PROCR: variants seen among roughly 807,000 people sequenced by gnomAD.
The protein encoded by PROCR is protein C receptor, also known as endothelial protein C receptor.
A neutral mutation model predicts 24.2 loss-of-function variants in PROCR; 22 were observed. The observed-to-expected ratio is 0.91, with a 90% CI of 0.65 to 1.30. The LOEUF is 1.30. PROCR is among the 50% of genes most tolerant of loss of function. The pLI, the probability that PROCR is intolerant of heterozygous loss-of-function variation, is 0.00. For missense variants in PROCR, 288 were observed against 307.7 expected, an observed-to-expected ratio of 0.94 and a Z score of 0.48; for synonymous variants, 137 against 139.2, an observed-to-expected ratio of 0.98 and a Z score of 0.11.
chr20:35,174,343 T>C, intron 1 of PROCR: 1 of 353,162 alleles, frequency 2.8e-6, no homozygotes, highest in South Asian at 2.5e-5. Flanking sequence ...GAAGAGGAGA[T>C]GGAGAACAGG....
chr20:35,186,304 C>G (rs1213265231), intron 1 of PROCR, among the ~76,000 whole-genome samples: 1 of 152,180 alleles, frequency 6.6e-6, no homozygotes, highest in East Asian at 1.9e-4. Flanking sequence ...AGCAGTGGCT[C>G]TCGCCTGCAG....
chr20:35,177,277 T>C lies in PROCR; in HGVS notation c.*464T>C. ...GGTAGAAAGAAGTAACACGAAGAAG[T>C]GGTGGAAATGTAAAATCCAAGTCAT... On this transcript the variant is annotated 3_prime_UTR_variant, in exon 4 of 4. Transcript: ENST00000216968. The C allele has an allele frequency of 9.9e-7, 1 of 1,005,246 alleles. No homozygotes were observed. Among genetic ancestry groups the C allele is most frequent in the South Asian group, 4.2e-5 (1 of 23,622 alleles). 62.3% of individuals were successfully genotyped at this position (1,005,246 alleles called of 1,614,324 possible).
At chr20:35,196,587 A>C (rs2086218602) in intron 1 of PROCR, among the ~76,000 whole-genome samples, 1 of 152,212 alleles carries the variant, frequency 6.6e-6, no homozygotes, top group East Asian at 1.9e-4. Flanking sequence ...AAAGTGCTGA[A>C]AGAAAAGAAC....
intron 1 of PROCR, among the ~76,000 whole-genome samples, chr20:35,196,909 C>T (rs1003151457): frequency 6.6e-6 from 1 of 152,120 alleles, no homozygotes; most frequent in Non-Finnish European, 1.5e-5. Context: ...ATGTAGATGT[C>T]ATGGATAGGA....
At chr20:35,189,296 A>T (rs6088761) in intron 1 of PROCR, among the ~76,000 whole-genome samples, 1 of 117,074 alleles carries the variant, frequency 8.5e-6, no homozygotes, top group African/African-American at 2.6e-5. Flanking sequence ...GCCACTCTGG[A>T]GGGGTGTCTG....
intron 1 of PROCR, among the ~76,000 whole-genome samples, chr20:35,187,142 G>T (rs1024162368): frequency 3.3e-5 from 5 of 152,008 alleles, no homozygotes; most frequent in African/African-American, 1.2e-4. Flanking sequence ...TCTCCATCTC[G>T]CAGGCTCAAA....
intron 1 of PROCR, among the ~76,000 whole-genome samples, chr20:35,185,030 CAAAAAAAAAA>C (rs55715132): frequency 1.9e-5 from 2 of 104,096 alleles, no homozygotes; most frequent in Admixed American, 1.1e-4. Context: ...ATCAGTAAGA[CAAAAAAAAAA>C]AAAAAAAAAA....
At chr20:35,203,887 A>G (rs923465669) in intron 1 of PROCR, among the ~76,000 whole-genome samples, 2 of 152,068 alleles carry the variant, frequency 1.3e-5, no homozygotes, top group Non-Finnish European at 1.5e-5. Context: ...AACTAGAGAA[A>G]GAACAAATTA....
intron 1 of PROCR, among the ~76,000 whole-genome samples, chr20:35,196,853 T>A (rs879867720): frequency 4.6e-5 from 7 of 152,222 alleles, no homozygotes; most frequent in Admixed American, 3.3e-4. Context: ...TTATTTATGA[T>A]CATTGAAAGA....
At chr20:35,183,902 T>G (rs1220291402) in intron 1 of PROCR, among the ~76,000 whole-genome samples, 1 of 152,098 alleles carries the variant, frequency 6.6e-6, no homozygotes, top group Non-Finnish European at 1.5e-5. Flanking sequence ...ATCAAAACCA[T>G]GAGATACCAC....
At chr20:35,176,522 G>A (rs2086020446) in intron 3 of PROCR, 76 bp downstream of exon 3, 12 of 1,601,976 alleles carry the variant, frequency 7.5e-6, no homozygotes, top group Non-Finnish European at 1.0e-5. Flanking sequence ...CCTGAAGGAT[G>A]GATGCCTAGA....
intron 1 of PROCR, among the ~76,000 whole-genome samples, chr20:35,188,645 G>T (rs1188739213): frequency 6.6e-6 from 1 of 152,118 alleles, no homozygotes; most frequent in Non-Finnish European, 1.5e-5. Context: ...TTATGTTTGG[G>T]GAATGCTAAA....
chr20:35,211,172 ATTTAC>A (rs1296703515), intron 1 of PROCR, among the ~76,000 whole-genome samples: 1 of 152,174 alleles, frequency 6.6e-6, no homozygotes, highest in Non-Finnish European at 1.5e-5. Context: ...CCAAGCCTTC[ATTTAC>A]TTTACGGCTA....
chr20:35,199,011 G>A (rs575349410), intron 1 of PROCR, among the ~76,000 whole-genome samples: 1 of 152,138 alleles, frequency 6.6e-6, no homozygotes, highest in Non-Finnish European at 1.5e-5. Flanking sequence ...ACCATGCCCA[G>A]CCAGCCACCT....
At chr20:35,186,476 G>C (rs535434677) in intron 1 of PROCR, among the ~76,000 whole-genome samples, 22 of 148,250 alleles carry the variant, frequency 1.5e-4, no homozygotes, top group African/African-American at 5.2e-4. Context: ...TGAGGCGGGA[G>C]AATCACTTAA....
At chr20:35,182,928 C>G (rs747956384) in intron 1 of PROCR, among the ~76,000 whole-genome samples, 1 of 141,786 alleles carries the variant, frequency 7.1e-6, no homozygotes, top group African/African-American at 2.6e-5. Flanking sequence ...GAGTTGAGAT[C>G]GTGCCACTGC....
downstream of PROCR, among the ~76,000 whole-genome samples, chr20:35,178,507 G>GTTT (rs1203789471): frequency 9.6e-4 from 33 of 34,376 alleles, 4 homozygotes; most frequent in South Asian, 3.4e-3. Context: ...TCAAGTCTCA[G>GTTT]TTTTTTTTTT....
rs1265062493 is a variant in PROCR at position 35,177,070 on chromosome 20, A to G, written c.*257A>G. ...TAGTCTGATAAGTGAATGTTTATCTATCTTTGTGGAAAACAGATAATGGAG... is the reference window on the plus strand; with the variant it reads ...TAGTCTGATAAGTGAATGTTTATCTGTCTTTGTGGAAAACAGATAATGGAG... On this transcript the variant is annotated 3_prime_UTR_variant, in exon 4 of 4. Transcript: ENST00000216968. The G allele has an allele frequency of 2.4e-6, 3 of 1,271,956 alleles. No individual in the cohort carries two copies. Among genetic ancestry groups the G allele is most frequent in the African/African-American group, 3.1e-5 (2 of 65,566 alleles). The allele number at this position is 1,271,956 out of a possible 1,614,324, so 78.8% of individuals were successfully genotyped here. A position where few individuals can be genotyped will look rare whatever the true frequency, so the allele number is the denominator to read the frequency against.
At chr20:35,182,108 A>T (rs2086083606), downstream of PROCR, among the ~76,000 whole-genome samples, 1 of 152,224 alleles carries the variant, frequency 6.6e-6, no homozygotes, top group Non-Finnish European at 1.5e-5. Context: ...CTGCAAGTGC[A>T]GGGGGGAAAA....
Sources: gnomAD v4.1 joint callset for allele counts (sites outside exome capture counted in the v4.1 genomes callset) on GRCh38, gnomAD v4.1.1 for gene constraint, MANE v1.5 for transcripts, NCBI Gene and HGNC (gene_info 2026-07-23, HGNC 2026-07-21) for gene names.